KLC3: variants seen among roughly 807,000 people sequenced by gnomAD.
KLC3 encodes kinesin light chain 3, also known as kinesin light chain 2.
Under a neutral mutation model 62.9 loss-of-function variants are expected in KLC3, and 72 were observed. That is an observed-to-expected ratio of 1.15 (90% CI 0.95 to 1.39). The LOEUF is 1.39. Ranked by LOEUF, KLC3 falls within the 40% of genes most tolerant of loss-of-function variation. The pLI is 0.00. For missense variants in KLC3, 848 were observed against 691.6 expected (o/e 1.23, Z -2.54); for synonymous variants, 377 against 300.5 (o/e 1.25, Z -2.63).
At chr19:45,341,235 AGT>A (rs932209763) in intron 1 of KLC3, among the ~76,000 whole-genome samples, 6 of 146,786 alleles carry the variant, frequency 4.1e-5, no homozygotes, top group South Asian at 2.2e-4. Flanking sequence ...TGTGTAAGAG[AGT>A]GTGTCAGGCT....
chr19:45,348,472 C>T (rs1013846194), intron 5 of KLC3, among the ~76,000 whole-genome samples, 174 bp from the exon 6 acceptor site: 1 of 152,024 alleles, frequency 6.6e-6, no homozygotes, highest in Non-Finnish European at 1.5e-5. Context: ...GTACAGGGCC[C>T]AGTGTTAGAG....
chr19:45,341,839 C>T (rs1971404336), intron 1 of KLC3, among the ~76,000 whole-genome samples: 1 of 151,400 alleles, frequency 6.6e-6, no homozygotes, highest in African/African-American at 2.4e-5. Flanking sequence ...TGCATTGATA[C>T]CGTGGCTGGC....
At chr19:45,341,457 GTGTGTGGCTGTC>G (rs1261176569) in intron 1 of KLC3, among the ~76,000 whole-genome samples, 1 of 152,006 alleles carries the variant, frequency 6.6e-6, no homozygotes, top group Non-Finnish European at 1.5e-5. Context: ...GTGTGGCTGT[GTGTGTGGCTGTC>G]TTCATGGCAG....
intron 7 of KLC3, among the ~76,000 whole-genome samples, 194 bp from the exon 8 acceptor site, chr19:45,349,235 G>A (rs148884024): frequency 1.6e-3 from 249 of 152,106 alleles, no homozygotes; most frequent in African/African-American, 5.9e-3. Flanking sequence ...TGTGCCCCAC[G>A]TTTCTGGACC....
chr19:45,347,625 AG>A, intron 4 of KLC3, 109 bp downstream of exon 4: 2 of 982,052 alleles, frequency 2.0e-6, no homozygotes, highest in South Asian at 3.1e-5. Flanking sequence ...AGGTGAGGGC[AG>A]GGTGAGGAGG....
chr19:45,351,458 C>T lies in KLC3; in HGVS notation c.*101C>T. 6.3e-7 allele frequency: 1 copy of T among 1,582,610 alleles called. No individual in the cohort carries two copies. Among genetic ancestry groups the T allele is most frequent in the South Asian group, 1.1e-5 (1 of 88,906 alleles). The stretch of plus-strand genomic sequence containing the variant: ...CTATCATCTCCTGGCCCCCCCTTGC[C>T]TCTGGGTACCTGGTGGATAGCTGCC... On this transcript the variant is annotated 3_prime_UTR_variant, in exon 13 of 13. Coordinates refer to ENST00000391946, the MANE Select transcript of KLC3 (RefSeq NM_177417.3).
At chr19:45,341,553 TG>T (rs1208503915) in intron 1 of KLC3, among the ~76,000 whole-genome samples, 1 of 113,794 alleles carries the variant, frequency 8.8e-6, no homozygotes, top group African/African-American at 3.2e-5. Flanking sequence ...TTCTGCCTGT[TG>T]GTGTGTGTGT....
At chr19:45,340,881 G>C (rs949389049) in intron 1 of KLC3, 35 bp downstream of exon 1, 1 of 152,284 alleles carries the variant, frequency 6.6e-6, no homozygotes, top group Non-Finnish European at 1.5e-5. Context: ...GACTCTCGGA[G>C]AGCCGCGATG....
At chr19:45,351,086 G>T (rs1213942406) in intron 12 of KLC3, 69 bp downstream of exon 12, 36 of 1,612,454 alleles carry the variant, frequency 2.2e-5, no homozygotes, top group Admixed American at 3.3e-5. Context: ...GGCAAAGGCA[G>T]GGCGGTCGGG....
At chr19:45,341,418 C>T (rs1250162885) in intron 1 of KLC3, among the ~76,000 whole-genome samples, 1 of 151,950 alleles carries the variant, frequency 6.6e-6, no homozygotes, top group Non-Finnish European at 1.5e-5. Flanking sequence ...CGACTGTAGT[C>T]GACTTTCTGC....
At chr19:45,343,624 C>T (rs1001421363) in intron 1 of KLC3, among the ~76,000 whole-genome samples, 8 of 152,072 alleles carry the variant, frequency 5.3e-5, no homozygotes, top group Middle Eastern at 3.2e-3. Flanking sequence ...CGTGAGCCAC[C>T]GCGCCCAGGC....
chr19:45,341,578 T>TGTGTGTGTGTGTGTGCGTGCGC, intron 1 of KLC3, among the ~76,000 whole-genome samples: 2 of 139,800 alleles, frequency 1.4e-5, no homozygotes, highest in African/African-American at 5.4e-5. Context: ...TGTGTGTGTG[T>TGTGTGTGTGTGTGTGCGTGCGC]GCGCGCGCGC....
chr19:45,349,400 C>A, intron 7 of KLC3, 29 bp from the exon 8 acceptor site: 2 of 1,578,152 alleles, frequency 1.3e-6, no homozygotes, highest in Non-Finnish European at 1.7e-6. Flanking sequence ...CCTGTATGAT[C>A]CCTCTGACTT....
rs933577917 is a variant in KLC3, at chr19:45,351,445, G to A, written c.*88G>A. On this transcript the variant is annotated 3_prime_UTR_variant, in exon 13 of 13. Transcript: ENST00000391946. Reference sequence around the variant, plus strand: ...GGTGAGAGGGGGTCTATCATCTCCTGGCCCCCCCTTGCCTCTGGGTACCTG... The same window carrying A: ...GGTGAGAGGGGGTCTATCATCTCCTAGCCCCCCCTTGCCTCTGGGTACCTG... The A allele has an allele frequency of 1.3e-6, 2 of 1,585,102 alleles. No homozygotes were observed. Among genetic ancestry groups the A allele is most frequent in the Non-Finnish European group, 1.7e-6 (2 of 1,168,990 alleles).
At chr19:45,347,883 G>T in intron 4 of KLC3, 58 bp from the exon 5 acceptor site, 1 of 1,419,800 alleles carries the variant, frequency 7.0e-7, no homozygotes, top group Non-Finnish European at 9.7e-7. Context: ...GTCCCCTCAT[G>T]CGAGGCTGGA....
At chr19:45,345,492 C>A in intron 1 of KLC3, 42 bp from the exon 2 acceptor site, 1 of 1,550,958 alleles carries the variant, frequency 6.4e-7, no homozygotes, top group East Asian at 2.4e-5. Flanking sequence ...AACTGACTGG[C>A]CCGGGCAATG....
intron 1 of KLC3, chr19:45,345,253 A>G (rs554900925): frequency 5.3e-6 from 3 of 562,502 alleles, no homozygotes; most frequent in Non-Finnish European, 9.4e-6. Flanking sequence ...CTCTTGGTTA[A>G]TTACACATAG....
chr19:45,348,562 C>T, intron 5 of KLC3, 84 bp from the exon 6 acceptor site: 2 of 1,334,714 alleles, frequency 1.5e-6, no homozygotes, highest in Non-Finnish European at 2.1e-6. Flanking sequence ...GTTCCCTGGG[C>T]CTGTCAGGAT....
chr19:45,346,002 C>T (rs991106879), intron 2 of KLC3, among the ~76,000 whole-genome samples: 1 of 152,038 alleles, frequency 6.6e-6, no homozygotes, highest in African/African-American at 2.4e-5. Context: ...CCCATCTCTA[C>T]TAAAAATACA....
Sources: gnomAD v4.1 joint callset for allele counts (sites outside exome capture counted in the v4.1 genomes callset) on GRCh38, gnomAD v4.1.1 for gene constraint, MANE v1.5 for transcripts, NCBI Gene and HGNC (gene_info 2026-07-23, HGNC 2026-07-21) for gene names.